The following DOCK8 variants were observed in gnomAD, a reference collection of about 807,000 sequenced individuals.
DOCK8 encodes the protein dedicator of cytokinesis protein 8.
In DOCK8, 141 loss-of-function variants were observed where a neutral mutation model predicts 245.6. The ratio of observed to expected loss-of-function variants is 0.57; its 90% CI spans 0.50 to 0.66. The LOEUF (loss-of-function observed/expected upper bound fraction) is 0.66, where lower values mean the gene tolerates loss of function less well. Ranked by LOEUF, DOCK8 falls within the 30% of genes least tolerant of loss-of-function variation. DOCK8 has a pLI of 0.00. For missense variants in DOCK8, 2,965 were observed against 2,603.4 expected (o/e 1.14, Z -3.02); for synonymous variants, 1,168 against 970.2 (o/e 1.20, Z -3.79).
chr9:241,231 G>A (rs2047366747), intron 1 of DOCK8, among the ~76,000 whole-genome samples: 1 of 151,980 alleles, frequency 6.6e-6, no homozygotes, highest in Non-Finnish European at 1.5e-5. Flanking sequence ...TTTGTATTGG[G>A]CATGTTCAAT....
chr9:318,998 A>T (rs532574549), intron 7 of DOCK8, among the ~76,000 whole-genome samples: 10 of 152,272 alleles, frequency 6.6e-5, no homozygotes, highest in East Asian at 1.9e-4. Flanking sequence ...GTGTTATTTT[A>T]AAAAAATGTT....
chr9:432,446 T>C (rs888882564), intron 37 of DOCK8, 122 bp downstream of exon 37: 23 of 963,646 alleles, frequency 2.4e-5, no homozygotes, highest in Non-Finnish European at 3.4e-5. Flanking sequence ...AAGTATTTAT[T>C]GTCCAATATG....
chr9:236,746 C>G (rs535079728), intron 1 of DOCK8, among the ~76,000 whole-genome samples: 4 of 152,310 alleles, frequency 2.6e-5, no homozygotes, highest in South Asian at 4.1e-4. Context: ...CAGTCTGATG[C>G]AGATCGAGTG....
chr9:316,941 A>T, intron 6 of DOCK8, 102 bp from the exon 7 acceptor site: 1 of 927,090 alleles, frequency 1.1e-6, no homozygotes, highest in Non-Finnish European at 1.8e-6. Context: ...AATCTAAGTT[A>T]ACTTGAGCCG....
intron 1 of DOCK8, among the ~76,000 whole-genome samples, chr9:265,255 A>G (rs979081934): frequency 1.7e-4 from 26 of 151,984 alleles, no homozygotes; most frequent in Non-Finnish European, 3.7e-4. Flanking sequence ...TTAAAAAAAT[A>G]CTACCCTGCC....
At chr9:331,312 G>A (rs1054200180) in intron 9 of DOCK8, among the ~76,000 whole-genome samples, 10 of 152,108 alleles carry the variant, frequency 6.6e-5, no homozygotes, top group East Asian at 1.9e-4. Context: ...AGTGGGATTC[G>A]CCTTCTCTTC....
At chr9:339,463 G>T (rs1417281166) in intron 13 of DOCK8, among the ~76,000 whole-genome samples, 7 of 152,136 alleles carry the variant, frequency 4.6e-5, no homozygotes, top group African/African-American at 1.7e-4. Flanking sequence ...TCCTCACTCG[G>T]CAGCCCTGGA....
At position 396,881 on chromosome 9, in the gene DOCK8, A is replaced by C. The variant is rs140148619; in HGVS notation, c.3067A>C (p.Ile1023Leu). ...CCGTTTCATGGATGACATAACTACTATTGTTAATGTGGTCACCTCGGAAAT... is the reference window on the plus strand; with the variant it reads ...CCGTTTCATGGATGACATAACTACTCTTGTTAATGTGGTCACCTCGGAAAT... ...SDRFMDDITT[I>L]VNVVTSEIAA... The change falls in exon 25 of 48, where the codon ATT becomes CTT. Residue 1023 changes from isoleucine to leucine, a missense_variant. Coordinates refer to ENST00000432829, the MANE Select transcript of DOCK8 (RefSeq NM_203447.4). The C allele has an allele frequency of 6.2e-7, 1 of 1,613,968 alleles. No individual in the cohort carries two copies. Among genetic ancestry groups the C allele is most frequent in the African/African-American group, 1.3e-5 (1 of 74,904 alleles).
chr9:400,934 TCCACCACCACCATCAC>T (rs2055008115), intron 26 of DOCK8, among the ~76,000 whole-genome samples: 1 of 20,542 alleles, frequency 4.9e-5, no homozygotes, highest in East Asian at 1.6e-3. Flanking sequence ...CACCACAACA[TCCACCACCACCATCAC>T]CACCACCACC....
intron 2 of DOCK8, among the ~76,000 whole-genome samples, chr9:276,213 A>G (rs2130053769): frequency 6.6e-6 from 1 of 152,326 alleles, no homozygotes; most frequent in Admixed American, 6.5e-5. Context: ...CTTTAAAGGT[A>G]GACGTATTCC....
At chr9:212,127 G>T (rs2046628775), upstream of DOCK8, among the ~76,000 whole-genome samples, 2 of 152,128 alleles carry the variant, frequency 1.3e-5, no homozygotes, top group South Asian at 2.1e-4. Context: ...GTGTGGGGGG[G>T]TTAATGTTAT....
At chr9:397,515 C>G (rs1040022682) in intron 25 of DOCK8, among the ~76,000 whole-genome samples, 3 of 151,532 alleles carry the variant, frequency 2.0e-5, no homozygotes, top group African/African-American at 7.3e-5. Context: ...ATGTTGAAAC[C>G]CCGTCTCTAC....
rs796237348 is a variant in DOCK8 at position 446,425 on chromosome 9, A to G, written c.5636A>G (p.Asp1879Gly). 6.2e-7 allele frequency: 1 copy of G among 1,614,212 alleles called. No homozygotes were observed. The highest frequency in any genetic ancestry group is 1.1e-5 in the South Asian group (1 of 91,086). The change falls in exon 44 of 48, where the codon GAC becomes GGC. Residue 1879 changes from aspartate to glycine, a missense_variant. By Grantham distance (94) the Asp-to-Gly change is moderately conservative (BLOSUM62 -1). Around this residue, in one of 3 missense-constraint regions of DOCK8, gnomAD observed 2,825 missense variants for 2,453.5 expected, o/e 1.15. Transcript: ENST00000432829. ...TACTTTGATGAGTATGAGATGAAAG[A>G]CAGGGTCACATACTTTGAGAAGAAT... ...EPYFDEYEMK[D>G]RVTYFEKNFN...
intron 29 of DOCK8, among the ~76,000 whole-genome samples, chr9:416,607 C>G (rs1354987029): frequency 6.6e-6 from 1 of 152,148 alleles, no homozygotes; most frequent in African/African-American, 2.4e-5. Flanking sequence ...AATATGGAAT[C>G]TTTAGGTTGA....
At chr9:433,772 G>A in intron 37 of DOCK8, 103 bp from the exon 38 acceptor site, 10 of 972,842 alleles carry the variant, frequency 1.0e-5, no homozygotes, top group Non-Finnish European at 1.6e-5. Context: ...GCTGCCCTCT[G>A]ATCCAACCCT....
At chr9:261,983 T>G (rs1347273887) in intron 1 of DOCK8, among the ~76,000 whole-genome samples, 11 of 109,680 alleles carry the variant, frequency 1.0e-4, no homozygotes, top group Non-Finnish European at 1.4e-4. Context: ...TTAAAATGTG[T>G]CAAAAGAAAG....
intron 10 of DOCK8, among the ~76,000 whole-genome samples, chr9:333,535 A>T (rs1449863663): frequency 2.0e-5 from 3 of 151,408 alleles, no homozygotes; most frequent in Admixed American, 2.0e-4. Context: ...TGGGAGGCGG[A>T]GGTTGCAGTG....
intron 6 of DOCK8, among the ~76,000 whole-genome samples, chr9:315,822 T>A (rs1408315226): frequency 6.6e-6 from 1 of 152,196 alleles, no homozygotes; most frequent in Non-Finnish European, 1.5e-5. Flanking sequence ...TTTCAAAAAT[T>A]AGAATCTAGA....
chr9:214,734 C>G, upstream of DOCK8: 1 of 1,518,366 alleles, frequency 6.6e-7, no homozygotes. Context: ...TGGGCCCACG[C>G]CCTCCTCGCC....
Sources: gnomAD v4.1 joint callset for allele counts (sites outside exome capture counted in the v4.1 genomes callset) on GRCh38, gnomAD v4.1.1 for gene constraint, gnomAD v4.1.1 regional missense constraint, MANE v1.5 for transcripts, NCBI Gene and HGNC (gene_info 2026-07-23, HGNC 2026-07-21) for gene names.